GRM4: variants seen among roughly 807,000 people sequenced by gnomAD.
The protein encoded by GRM4 is metabotropic glutamate receptor 4.
GRM4 carries 28 observed loss-of-function variants against 81.7 expected under a neutral mutation model. The observed-to-expected ratio is 0.34, with a 90% CI of 0.25 to 0.47. The LOEUF (loss-of-function observed/expected upper bound fraction) is 0.47. Ranked by LOEUF, GRM4 falls within the 20% of genes least tolerant of loss-of-function variation. GRM4 has a pLI of 1.00. For synonymous variants in GRM4, 488 were observed against 528.8 expected (o/e 0.92, Z 1.06); for missense variants, 948 against 1,290.0 (o/e 0.73, Z 4.06).
At chr6:34,029,979 T>C (rs1764332389) in intron 9 of GRM4, among the ~76,000 whole-genome samples, 2 of 152,106 alleles carry the variant, frequency 1.3e-5, no homozygotes, top group South Asian at 2.1e-4. Flanking sequence ...CACATGCCGC[T>C]CCAGACACAG....
chr6:34,151,632 C>A (rs1028667988), intron 1 of GRM4, among the ~76,000 whole-genome samples: 1 of 152,166 alleles, frequency 6.6e-6, no homozygotes, highest in East Asian at 1.9e-4. Context: ...TGGGAGGAGA[C>A]CTGCAGGAGG....
intron 2 of GRM4, among the ~76,000 whole-genome samples, chr6:34,120,375 C>T (rs574651247): frequency 3.3e-5 from 5 of 152,094 alleles, no homozygotes; most frequent in Non-Finnish European, 7.4e-5. Context: ...GTGAGGGAGG[C>T]AAGGAAGGCA....
At chr6:34,142,969 C>T (rs1173019064) in intron 1 of GRM4, among the ~76,000 whole-genome samples, 1 of 152,206 alleles carries the variant, frequency 6.6e-6, no homozygotes, top group African/African-American at 2.4e-5. Context: ...CAATATATCT[C>T]GCTCCTGAAA....
intron 2 of GRM4, among the ~76,000 whole-genome samples, chr6:34,128,449 C>T (rs1448062543): frequency 6.7e-6 from 1 of 149,966 alleles, no homozygotes; most frequent in East Asian, 2.0e-4. Context: ...TAGGATCTCG[C>T]TGACTACAAC....
At position 34,064,553 on chromosome 6, in the gene GRM4, A is replaced by G. The variant is rs572944064; in HGVS notation, c.737-2525T>C. On this transcript the variant is annotated intron_variant, in intron 3 of 10. Transcript: ENST00000538487. This position sits in a 1 kb window ranked among gnomAD's most constrained non-coding sequence, Gnocchi z 4.4. Reference sequence around the variant, plus strand: ...GGTGCCCATGCTGGGGTGAGTGCCCACTGGTGTTGCTGCCCCCAGGATGAG... The same window carrying G: ...GGTGCCCATGCTGGGGTGAGTGCCCGCTGGTGTTGCTGCCCCCAGGATGAG... Among the ~76,000 whole-genome samples, 90 of 152,302 alleles carry G rather than the reference A, an allele frequency of 5.9e-4. No individual in the cohort carries two copies. Among genetic ancestry groups the G allele is most frequent in the African/African-American group, 2.1e-3 (87 of 41,578 alleles).
At chr6:34,049,338 G>A (rs770655200) in intron 6 of GRM4, among the ~76,000 whole-genome samples, 2 of 151,920 alleles carry the variant, frequency 1.3e-5, no homozygotes, top group African/African-American at 4.8e-5. Flanking sequence ...TCTCTTTATC[G>A]CCGCCGGGAC....
At chr6:34,150,933 C>A (rs1771032346), upstream of GRM4, among the ~76,000 whole-genome samples, 1 of 152,202 alleles carries the variant, frequency 6.6e-6, no homozygotes, top group Non-Finnish European at 1.5e-5. Flanking sequence ...AGGCTGGGTG[C>A]TCAATGGGTC....
chr6:34,121,674 C>T lies in GRM4; in HGVS notation c.519+11304G>A, dbSNP rs551895130. On this transcript the variant is annotated intron_variant, in intron 2 of 10. Coordinates refer to ENST00000538487, the MANE Select transcript of GRM4 (RefSeq NM_000841.4). This position sits in a 1 kb window ranked among gnomAD's most constrained non-coding sequence, Gnocchi z 4.6. Reference sequence around the variant, plus strand: ...CCAGGGCCAGGGCTGAGCAGAGCATCCCTCCTCCTGGGGCACCACCTCTTA... The same window carrying T: ...CCAGGGCCAGGGCTGAGCAGAGCATTCCTCCTCCTGGGGCACCACCTCTTA... 1.3e-5 allele frequency among the ~76,000 whole-genome samples: 2 copies of T among 152,292 alleles called. No homozygotes were observed. Among genetic ancestry groups the T allele is most frequent in the South Asian group, 2.1e-4 (1 of 4,818 alleles).
Position 34,133,307 on chromosome 6 carries a change from C to T in GRM4, c.190G>A (p.Gly64Ser). The change falls in exon 2 of 11, where the codon GGC becomes AGC. Residue 64 changes from glycine (G) to serine (S), a missense_variant. Gly to Ser is a moderately conservative substitution (Grantham distance 56). Transcript: ENST00000538487. The surrounding 1 kb of genome is among the most constrained non-coding windows in gnomAD (Gnocchi z 6.5). ...TTCTTAAGTTCTCCACAGGGCTTGC[C>T]CTCTGAGCCCCGGCCATGCACCGGG... ...LFPVHGRGSE[G>S]KPCGELKKEK... 6.2e-7 allele frequency: 1 copy of T among 1,614,122 alleles called. No individual in the cohort carries two copies. Among genetic ancestry groups the T allele is most frequent in the Non-Finnish European group, 8.5e-7 (1 of 1,180,022 alleles).
intron 6 of GRM4, chr6:34,055,884 G>A (rs1289354286): frequency 6.6e-6 from 1 of 152,268 alleles, no homozygotes; most frequent in Non-Finnish European, 1.5e-5. Flanking sequence ...TCCCTCTCAT[G>A]TGAGGGCTCA....
rs1331449883 is a variant in GRM4 at position 34,068,551 on chromosome 6, T to TC, written c.737-6524dup. Reference sequence around the variant, plus strand: ...TCCCCACCCCACCTGTCTCAAAAAGTCCCCCCTCCATCCTGCAAGGCCAGC... The same window carrying TC: ...TCCCCACCCCACCTGTCTCAAAAAGTCCCCCCCTCCATCCTGCAAGGCCAGC... On this transcript the variant is annotated intron_variant, in intron 3 of 10. Coordinates refer to ENST00000538487, the MANE Select transcript of GRM4 (RefSeq NM_000841.4). This position sits in a 1 kb window ranked among gnomAD's most constrained non-coding sequence, Gnocchi z 4.2. Among the ~76,000 whole-genome samples the TC allele has an allele frequency of 1.3e-5, 2 of 150,782 alleles. No homozygotes were observed. Among genetic ancestry groups the TC allele is most frequent in the African/African-American group, 4.9e-5 (2 of 40,902 alleles).
chr6:34,071,540 CACCAT>C, intron 3 of GRM4, among the ~76,000 whole-genome samples: 1 of 17,018 alleles, frequency 5.9e-5, no homozygotes, highest in Non-Finnish European at 2.0e-4. Context: ...CACGGATACA[CACCAT>C]ACACACATCA....
intron 2 of GRM4, chr6:34,102,175 A>G: frequency 6.5e-7 from 1 of 1,533,614 alleles, no homozygotes; most frequent in South Asian, 1.2e-5. Context: ...GACAGGAGCA[A>G]TAATAGGTCT....
Position 34,080,643 on chromosome 6 carries a change from C to G in GRM4, c.736+11240G>C, listed in dbSNP as rs1317263307. 6.6e-6 allele frequency among the ~76,000 whole-genome samples: 1 copy of G among 152,136 alleles called. No homozygotes were observed. Among genetic ancestry groups the G allele is most frequent in the Non-Finnish European group, 1.5e-5 (1 of 68,018 alleles). ...GTCTGTGGGATTGGGAGGCCCGGGT[C>G]CCACCTTCTGAGTCCCTGAAAGTCC... On this transcript the variant is annotated intron_variant, in intron 3 of 10. Coordinates refer to ENST00000538487, the MANE Select transcript of GRM4 (RefSeq NM_000841.4). The surrounding 1 kb of genome is among the most constrained non-coding windows in gnomAD (Gnocchi z 5.4).
In GRM4 at chr6:34,091,928, C is replaced by T; in HGVS notation, c.691G>A (p.Gly231Ser). ...VSTVASEGSYGESGVEAFIQK... is the reference protein window; with the variant it reads ...VSTVASEGSYSESGVEAFIQK... ...ATGAAGGCCTCCACACCGCTCTCAC[C>T]ATAGCTGCCCTCCGAGGCCACTGTG... The change falls in exon 3 of 11, where the codon GGT becomes AGT. Residue 231 changes from glycine to serine, a missense_variant. Physicochemically the swap from Gly to Ser is moderately conservative, Grantham distance 56. Transcript: ENST00000538487. The T allele has an allele frequency of 6.2e-7, 1 of 1,614,124 alleles. No individual in the cohort carries two copies. Among genetic ancestry groups the T allele is most frequent in the Non-Finnish European group, 8.5e-7 (1 of 1,179,988 alleles).
chr6:34,050,880 T>C (rs1292379398), intron 6 of GRM4, among the ~76,000 whole-genome samples: 5 of 152,196 alleles, frequency 3.3e-5, no homozygotes, highest in Non-Finnish European at 7.4e-5. Context: ...TCCCCCTCAC[T>C]GAGCCCAACA....
At chr6:34,141,671 C>A (rs1715798200) in intron 1 of GRM4, among the ~76,000 whole-genome samples, 1 of 144,652 alleles carries the variant, frequency 6.9e-6, no homozygotes, top group Non-Finnish European at 1.5e-5. Context: ...TCTCTCGGGC[C>A]TGCAGTCGAG....
intron 1 of GRM4, among the ~76,000 whole-genome samples, chr6:34,143,311 C>G (rs1301106452): frequency 6.6e-6 from 1 of 152,142 alleles, no homozygotes. Context: ...CCCACCGCAC[C>G]CCAAGGACAG....
chr6:34,088,680 C>A (rs1325288163), intron 3 of GRM4, among the ~76,000 whole-genome samples: 1 of 152,164 alleles, frequency 6.6e-6, no homozygotes, highest in African/African-American at 2.4e-5. Flanking sequence ...GCTGTGTGAC[C>A]CTAGGCAAGC....
Sources: allele counts gnomAD v4.1 joint callset (sites outside exome capture counted in the v4.1 genomes callset), GRCh38; gene constraint gnomAD v4.1.1; non-coding constraint Gnocchi (gnomAD v3.1); transcripts MANE v1.5; gene names NCBI Gene and HGNC (gene_info 2026-07-23, HGNC 2026-07-21).